Variants in TSPAN12 observed in about 807,000 individuals in gnomAD.
TSPAN12 encodes tetraspanin 12, also known as tetraspanin-12.
In TSPAN12, 19 loss-of-function variants were observed where a neutral mutation model predicts 39.2. That is an observed-to-expected ratio of 0.49 (90% confidence interval 0.34 to 0.71). TSPAN12 has a LOEUF of 0.71. Among genes scored for constraint, TSPAN12 ranks in the 30% least tolerant of loss-of-function variants. The probability of loss-of-function intolerance (pLI) is 0.01; values close to 1 mark genes in which losing one functional copy is unlikely to be tolerated. For synonymous variants in TSPAN12, 119 were observed against 124.8 expected (o/e 0.95, Z 0.31); for missense variants, 314 against 359.9 (o/e 0.87, Z 1.03).
chr7:120,828,908 T>C (rs1312400387), intron 4 of TSPAN12, among the ~76,000 whole-genome samples: 2 of 152,164 alleles, frequency 1.3e-5, no homozygotes, highest in Non-Finnish European at 2.9e-5. Flanking sequence ...TAAGTTGCTA[T>C]CATTTAATAA....
At chr7:120,853,643 G>A (rs1794813313) in intron 2 of TSPAN12, among the ~76,000 whole-genome samples, 1 of 150,824 alleles carries the variant, frequency 6.6e-6, no homozygotes, top group Non-Finnish European at 1.5e-5. Flanking sequence ...GAGAGGCCGA[G>A]GTGGGTGGAT....
At chr7:120,799,267 T>C (rs1411256551) in intron 7 of TSPAN12, among the ~76,000 whole-genome samples, 2 of 151,448 alleles carry the variant, frequency 1.3e-5, no homozygotes, top group Non-Finnish European at 2.9e-5. Context: ...TAGTTGACCT[T>C]ATAACTAGGT....
chr7:120,833,077 T>G (rs1219949910), intron 4 of TSPAN12, among the ~76,000 whole-genome samples: 1 of 152,136 alleles, frequency 6.6e-6, no homozygotes. Context: ...ATTCTACTTT[T>G]CCTCATTTGT....
At chr7:120,799,502 TTAATTAATTATATA>T (rs1267359989) in intron 7 of TSPAN12, among the ~76,000 whole-genome samples, 127 of 102,710 alleles carry the variant, frequency 1.2e-3, no homozygotes, top group African/African-American at 3.4e-3. Flanking sequence ...TTATTTTTAA[TTAATTAATTATATA>T]TAATTAATTA....
chr7:120,807,477 G>A (rs1260656789), intron 6 of TSPAN12, among the ~76,000 whole-genome samples: 1 of 152,094 alleles, frequency 6.6e-6, no homozygotes, highest in East Asian at 1.9e-4. Flanking sequence ...TAACTATGAT[G>A]AATAATTTTC....
At chr7:120,814,636 C>T (rs1794045610) in intron 5 of TSPAN12, among the ~76,000 whole-genome samples, 1 of 152,142 alleles carries the variant, frequency 6.6e-6, no homozygotes. Context: ...ATGAAGTAAG[C>T]AAATGTTAAT....
At chr7:120,855,015 G>T (rs1310120359) in intron 2 of TSPAN12, among the ~76,000 whole-genome samples, 1 of 152,148 alleles carries the variant, frequency 6.6e-6, no homozygotes, top group Non-Finnish European at 1.5e-5. Context: ...AAAGAGCCCT[G>T]GAAGAGTTTC....
At chr7:120,803,866 G>GA (rs1221171596) in intron 7 of TSPAN12, among the ~76,000 whole-genome samples, 6 of 152,094 alleles carry the variant, frequency 3.9e-5, no homozygotes, top group African/African-American at 1.4e-4. Context: ...TATTATTAGT[G>GA]AAAACAATCT....
intron 4 of TSPAN12, among the ~76,000 whole-genome samples, chr7:120,825,842 T>A (rs1321073531): frequency 6.6e-6 from 1 of 152,202 alleles, no homozygotes; most frequent in Non-Finnish European, 1.5e-5. Context: ...GTTTTAGCTA[T>A]AGCAGACACA....
At chr7:120,842,495 C>T (rs1052350851) in intron 2 of TSPAN12, among the ~76,000 whole-genome samples, 1 of 149,174 alleles carries the variant, frequency 6.7e-6, no homozygotes, top group Non-Finnish European at 1.5e-5. Flanking sequence ...AAGGGAAATA[C>T]CCTGCTGAAG....
Position 120,800,844 on chromosome 7 carries a change from GTTCACCTCCCAGGTTTAAGTGATTCTCC to G in TSPAN12, c.612+5677_612+5704del, listed in dbSNP as rs368071360. On this transcript the variant is annotated intron_variant, in intron 7 of 7. Transcript: ENST00000222747. ...GCTCACTGCAACCTTCACCGCCTAG[GTTCACCTCCCAGGTTTAAGTGATTCTCC>G]TTCACCTCCCAGGTTTAAGTGATTC... 9.9e-3 allele frequency among the ~76,000 whole-genome samples: 1,429 copies of G among 143,790 alleles called. 26 individuals carry two copies. Among genetic ancestry groups the G allele is most frequent in the African/African-American group, 0.034 (1,339 of 39,414 alleles). The allele number at this position is 143,790 out of a possible 152,430, so 94.3% of individuals were successfully genotyped here.
intron 7 of TSPAN12, among the ~76,000 whole-genome samples, chr7:120,800,835 A>G (rs1233666982): frequency 2.2e-5 from 3 of 137,002 alleles, no homozygotes; most frequent in Admixed American, 8.7e-5. Context: ...TGCAACCTTC[A>G]CCGCCTAGGT....
intron 6 of TSPAN12, among the ~76,000 whole-genome samples, chr7:120,808,820 C>T (rs1028922430): frequency 2.0e-5 from 3 of 151,918 alleles, no homozygotes; most frequent in South Asian, 2.1e-4. Flanking sequence ...GTCCCCCACC[C>T]AAATGCATAT....
At chr7:120,789,265 C>T (rs1793473842) in intron 7 of TSPAN12, among the ~76,000 whole-genome samples, 2 of 152,132 alleles carry the variant, frequency 1.3e-5, no homozygotes, top group South Asian at 2.1e-4. Flanking sequence ...TCTATGGCAA[C>T]TACTCATCCC....
chr7:120,823,579 G>T (rs1340905642), intron 4 of TSPAN12, among the ~76,000 whole-genome samples: 1 of 152,120 alleles, frequency 6.6e-6, no homozygotes, highest in Non-Finnish European at 1.5e-5. Context: ...GGTGAGATAG[G>T]AAGTATGGTG....
At chr7:120,822,365 G>A (rs1358832990) in intron 4 of TSPAN12, among the ~76,000 whole-genome samples, 1 of 151,888 alleles carries the variant, frequency 6.6e-6, no homozygotes, top group Non-Finnish European at 1.5e-5. Flanking sequence ...CCTAAAGAAA[G>A]CAGATTCAAC....
chr7:120,842,712 T>C (rs911661042), intron 2 of TSPAN12, among the ~76,000 whole-genome samples: 22 of 152,288 alleles, frequency 1.4e-4, no homozygotes, highest in African/African-American at 4.8e-4. Flanking sequence ...TCAGTTTAAA[T>C]GTCTGAACTA....
chr7:120,809,684 T>C (rs1329064588), intron 6 of TSPAN12, among the ~76,000 whole-genome samples: 1 of 152,162 alleles, frequency 6.6e-6, no homozygotes, highest in Non-Finnish European at 1.5e-5. Context: ...GGAAACTGCT[T>C]GGAAGAAGAG....
chr7:120,824,751 T>G (rs1352818820), intron 4 of TSPAN12, among the ~76,000 whole-genome samples: 1 of 152,196 alleles, frequency 6.6e-6, no homozygotes, highest in Non-Finnish European at 1.5e-5. Context: ...GAAACTTGAC[T>G]TTTTAAAATT....
Sources: gnomAD v4.1 joint callset for allele counts (sites outside exome capture counted in the v4.1 genomes callset) on GRCh38, gnomAD v4.1.1 for gene constraint, MANE v1.5 for transcripts, NCBI Gene and HGNC (gene_info 2026-07-23, HGNC 2026-07-21) for gene names.